PDPR: variants seen among roughly 807,000 people sequenced by gnomAD.
PDPR encodes pyruvate dehydrogenase phosphatase regulatory subunit, mitochondrial.
Under a neutral mutation model 102.2 loss-of-function variants are expected in PDPR, and 50 were observed. The ratio of observed to expected loss-of-function variants is 0.49; its 90% CI spans 0.39 to 0.62. The LOEUF (loss-of-function observed/expected upper bound fraction) is 0.62, where lower values mean the gene tolerates loss of function less well. Ranked by LOEUF, PDPR falls within the 20% of genes least tolerant of loss-of-function variation. The pLI, the probability that PDPR is intolerant of heterozygous loss-of-function variation, is 0.00. For missense variants in PDPR, 625 were observed against 1,098.2 expected, an observed-to-expected ratio of 0.57 and a Z score of 6.09; for synonymous variants, 259 against 406.0, an observed-to-expected ratio of 0.64 and a Z score of 4.35.
chr16:70,135,913 CA>C (rs1334124814), intron 9 of PDPR, among the ~76,000 whole-genome samples: 20 of 152,276 alleles, frequency 1.3e-4, no homozygotes, highest in African/African-American at 4.6e-4. Context: ...ACTAAAAATA[CA>C]AAAAATTAGC....
chr16:70,155,645 C>A (rs1324463852), intron 18 of PDPR, among the ~76,000 whole-genome samples: 1 of 152,264 alleles, frequency 6.6e-6, no homozygotes, highest in Non-Finnish European at 1.5e-5. Context: ...CCGCCTTAGC[C>A]TCCCAAAGTG....
At chr16:70,146,316 A>C in intron 16 of PDPR, 88 bp downstream of exon 16, 1 of 1,597,730 alleles carries the variant, frequency 6.3e-7, no homozygotes. Context: ...CTATGGTGTT[A>C]GCACCCACAA....
chr16:70,146,464 C>CA (rs1277092118), intron 16 of PDPR, among the ~76,000 whole-genome samples: 1 of 137,784 alleles, frequency 7.3e-6, no homozygotes, highest in Non-Finnish European at 1.5e-5. Context: ...GTTAAAAATA[C>CA]AAAAATTAGC....
Position 70,146,166 on chromosome 16 carries a change from G to A in PDPR, c.1900G>A (p.Val634Met), listed in dbSNP as rs1165584090. The change falls in exon 16 of 19, where the codon GTG (valine) becomes ATG (methionine). Residue 634 changes from valine (V) to methionine (M), a missense_variant. Val to Met is a conservative substitution (Grantham distance 21). This residue lies in a region of PDPR where 28 missense variants were observed against 141.2 expected (regional missense o/e 0.20). Transcript: ENST00000288050. Reference protein sequence around the residue: ...LNLIGPRAVDVLSELSYAPMT... With the variant: ...LNLIGPRAVDMLSELSYAPMT... ...TCTGATTGGCCCTCGAGCTGTGGAT[G>A]TGCTGTCTGAGTTGTCCTATGCCCC... 5 of 1,613,558 alleles carry A rather than the reference G, an allele frequency of 3.1e-6. No individual in the cohort carries two copies. In the Admixed American group the frequency reaches 5.0e-5, roughly 16 times the overall value.
intron 18 of PDPR, among the ~76,000 whole-genome samples, chr16:70,154,343 T>C (rs1340174645): frequency 6.6e-6 from 1 of 152,010 alleles, no homozygotes; most frequent in Admixed American, 6.6e-5. Context: ...AAAGAAAACA[T>C]AGTAAATAGA....
chr16:70,151,458 C>G (rs1966734882), intron 17 of PDPR, among the ~76,000 whole-genome samples: 1 of 152,306 alleles, frequency 6.6e-6, no homozygotes, highest in African/African-American at 2.4e-5. Flanking sequence ...ATCTGCTTTT[C>G]CACACTCAGA....
At chr16:70,136,017 C>T (rs57061447) in intron 9 of PDPR, among the ~76,000 whole-genome samples, 177 bp from the exon 10 acceptor site, 3,644 of 150,224 alleles carry the variant, frequency 0.024, 123 homozygotes, top group East Asian at 0.18. Context: ...TGCAGTGAGC[C>T]GAGATCGTGC....
chr16:70,130,483 C>G lies in PDPR; in HGVS notation c.668C>G (p.Thr223Ser), dbSNP rs368618246. ...GTAATGGTCAAAAAAGGTCAAGTTA[C>G]TGGAGTGGAGACCGATAAAGGACAG... ...LHVMVKKGQV[T>S]GVETDKGQIE... The change falls in exon 7 of 19, where the codon ACT becomes AGT. Residue 223 changes from threonine (T) to serine (S), a missense_variant. By Grantham distance (58) the Thr-to-Ser change is moderately conservative (BLOSUM62 1). Coordinates refer to ENST00000288050, the MANE Select transcript of PDPR (RefSeq NM_017990.5). The G allele has an allele frequency of 5.0e-6, 8 of 1,613,882 alleles. No homozygotes were observed. The African/African-American group carries it at 1.1e-4, about 21-fold the overall frequency.
intron 17 of PDPR, among the ~76,000 whole-genome samples, chr16:70,152,437 T>G (rs1212993023): frequency 6.6e-6 from 1 of 152,272 alleles, no homozygotes; most frequent in East Asian, 1.9e-4. Flanking sequence ...GAGATTCACT[T>G]GAACCCGGGA....
intron 10 of PDPR, among the ~76,000 whole-genome samples, chr16:70,137,421 G>C (rs2152093722): frequency 6.6e-6 from 1 of 152,376 alleles, no homozygotes; most frequent in South Asian, 2.1e-4. Context: ...AGTCACAAAA[G>C]GACAAATACC....
chr16:70,155,679 C>T (rs1270256847), intron 18 of PDPR, among the ~76,000 whole-genome samples: 3 of 152,202 alleles, frequency 2.0e-5, no homozygotes, highest in Admixed American at 6.5e-5. Context: ...CGTGAGCCAC[C>T]GTGCCTGGCC....
intron 4 of PDPR, 102 bp downstream of exon 4, chr16:70,127,495 T>C (rs1964094931): frequency 5.1e-6 from 8 of 1,557,386 alleles, no homozygotes; most frequent in South Asian, 1.2e-5. Context: ...CTTTGGTAAT[T>C]AAAACTTGGG....
chr16:70,153,757 A>C lies in PDPR; in HGVS notation c.2235+184A>C, dbSNP rs1043239949. On this transcript the variant is annotated intron_variant, in intron 18 of 18. Transcript: ENST00000288050. ...AACTTTATAGGATAAAATATCTTCA[A>C]ATGAAAACATAATAATGGTGGCTCA... Among the ~76,000 whole-genome samples the C allele has an allele frequency of 2.6e-5, 4 of 152,282 alleles. No homozygotes were observed. The East Asian group carries it at 7.7e-4, about 29-fold the overall frequency.
chr16:70,157,588 C>T lies in PDPR; in HGVS notation c.*709C>T, dbSNP rs556581975. ...ATAATTTTCTTCATCTCTTGCTAAT[C>T]TCTATAATAAGGTTGCTTTTTCTTT... On this transcript the variant is annotated 3_prime_UTR_variant, in exon 19 of 19. Transcript: ENST00000288050. The T allele has an allele frequency of 9.9e-5, 19 of 192,686 alleles. No individual in the cohort carries two copies. The highest frequency in any genetic ancestry group is 3.8e-4 in the Admixed American group (7 of 18,560). The allele number at this position is 192,686 out of a possible 1,614,324, so 11.9% of individuals were successfully genotyped here.
chr16:70,150,085 G>T (rs1242642290), intron 17 of PDPR, among the ~76,000 whole-genome samples: 1 of 150,006 alleles, frequency 6.7e-6, no homozygotes. Flanking sequence ...CACCGCACCC[G>T]GCCGGCTTTT....
intron 16 of PDPR, among the ~76,000 whole-genome samples, chr16:70,146,917 A>ATATTTATT (rs1175297679): frequency 5.6e-4 from 29 of 51,768 alleles, no homozygotes; most frequent in East Asian, 1.9e-3. Context: ...GTGACTAAGT[A>ATATTTATT]TATTTATTTA....
At position 70,159,194 on chromosome 16, in the gene PDPR, G is replaced by GT. The variant is rs1379327519; in HGVS notation, c.*2320dup. 1.3e-5 allele frequency: 2 copies of GT among 152,342 alleles called. No individual in the cohort carries two copies. Among genetic ancestry groups the GT allele is most frequent in the Admixed American group, 6.5e-5 (1 of 15,282 alleles). 9.4% of individuals were successfully genotyped at this position (152,342 alleles called of 1,614,324 possible). Reference sequence around the variant, plus strand: ...CCAACTAATTACTACAGATTGACACGTTTTTAATTAGCTGTCCTTTGTAAG... The same window carrying GT: ...CCAACTAATTACTACAGATTGACACGTTTTTTAATTAGCTGTCCTTTGTAAG... On this transcript the variant is annotated 3_prime_UTR_variant, in exon 19 of 19. Coordinates refer to ENST00000288050, the MANE Select transcript of PDPR (RefSeq NM_017990.5).
chr16:70,130,785 C>T (rs1280482502), intron 7 of PDPR, among the ~76,000 whole-genome samples: 2 of 152,272 alleles, frequency 1.3e-5, no homozygotes, highest in Non-Finnish European at 2.9e-5. Context: ...AGCAAATGGT[C>T]AGGCATTGAC....
chr16:70,149,234 A>C (rs1008780028), intron 17 of PDPR, among the ~76,000 whole-genome samples: 1 of 149,604 alleles, frequency 6.7e-6, no homozygotes, highest in East Asian at 2.0e-4. Flanking sequence ...GCATACTGCT[A>C]TTCTTCATCC....
Sources: gnomAD v4.1 joint callset for allele counts (sites outside exome capture counted in the v4.1 genomes callset) on GRCh38, gnomAD v4.1.1 for gene constraint, gnomAD v4.1.1 regional missense constraint, MANE v1.5 for transcripts, NCBI Gene and HGNC (gene_info 2026-07-23, HGNC 2026-07-21) for gene names.